SLC24A3: variants seen among roughly 807,000 people sequenced by gnomAD.
SLC24A3 encodes the protein solute carrier family 24 member 3.
In SLC24A3, 28 loss-of-function variants were observed where a neutral mutation model predicts 75.8. That is an observed-to-expected ratio of 0.37 (90% CI 0.27 to 0.51). The LOEUF is 0.51. Among genes scored for constraint, SLC24A3 ranks in the 20% least tolerant of loss-of-function variants. The pLI is 0.94. For synonymous variants in SLC24A3, 372 were observed against 334.1 expected (o/e 1.11, Z -1.24); for missense variants, 663 against 847.8 (o/e 0.78, Z 2.71).
chr20:19,246,899 GAAAGTAAATATAATTAT>G (rs758745414), intron 1 of SLC24A3, among the ~76,000 whole-genome samples: 159 of 152,110 alleles, frequency 1.0e-3, no homozygotes, highest in Admixed American at 1.8e-3. Context: ...ATCAAAACCT[GAAAGTAAATATAATTAT>G]CAATTAAGAA....
In SLC24A3 at chr20:19,685,082, G is replaced by A. The variant is rs773028152; in HGVS notation, c.1063-18G>A. The A allele has an allele frequency of 1.9e-6, 3 of 1,589,824 alleles. No homozygotes were observed. In the Admixed American group the frequency reaches 5.1e-5, roughly 27 times the overall value. On this transcript the variant is annotated intron_variant, in intron 11 of 16. Coordinates refer to ENST00000328041, the MANE Select transcript of SLC24A3 (RefSeq NM_020689.4). Reference sequence around the variant, plus strand: ...CAATCCCTCTGACCGTGGTAAGAGTGCGCCTTTCTCTTTCCAGAGACAAAG... The same window carrying A: ...CAATCCCTCTGACCGTGGTAAGAGTACGCCTTTCTCTTTCCAGAGACAAAG...
intron 1 of SLC24A3, among the ~76,000 whole-genome samples, chr20:19,274,411 T>A (rs1983421779): frequency 6.6e-6 from 1 of 152,174 alleles, no homozygotes; most frequent in Non-Finnish European, 1.5e-5. Flanking sequence ...TTGAGGGGAA[T>A]GAATGTATGG....
chr20:19,363,924 T>G (rs6035309), intron 2 of SLC24A3, among the ~76,000 whole-genome samples: 2 of 152,104 alleles, frequency 1.3e-5, no homozygotes, highest in African/African-American at 2.4e-5. Context: ...TGAGTGTCTG[T>G]GGGGAGACAG....
intron 9 of SLC24A3, among the ~76,000 whole-genome samples, chr20:19,674,964 C>T (rs2032507073): frequency 6.6e-6 from 1 of 152,124 alleles, no homozygotes; most frequent in Non-Finnish European, 1.5e-5. Flanking sequence ...GCAGGAGAAT[C>T]GCTGGAACCC....
intron 3 of SLC24A3, among the ~76,000 whole-genome samples, chr20:19,519,097 G>A (rs747057822): frequency 5.3e-5 from 8 of 152,130 alleles, no homozygotes; most frequent in Non-Finnish European, 1.0e-4. Context: ...TCATGGATCT[G>A]GACCAGAGGG....
At chr20:19,220,654 ATGT>A (rs1981683122) in intron 1 of SLC24A3, among the ~76,000 whole-genome samples, 1 of 152,212 alleles carries the variant, frequency 6.6e-6, no homozygotes, top group Non-Finnish European at 1.5e-5. Context: ...GCAGATAAAG[ATGT>A]TGGAATGGTA....
Position 19,326,603 on chromosome 20 carries a change from TGTCTCCCTTG to T in SLC24A3, c.271+45524_271+45533del, listed in dbSNP as rs1438933928. Among the ~76,000 whole-genome samples the T allele has an allele frequency of 1.0e-4, 15 of 150,320 alleles. No homozygotes were observed. The South Asian group carries it at 1.1e-3, about 11-fold the overall frequency. On this transcript the variant is annotated intron_variant, in intron 2 of 16. Transcript: ENST00000328041. ...TTTTTTTTTTTTTTTCTTGAGATAG[TGTCTCCCTTG>T]GTCTCCCAGGCTGGTGTGTAGTGAT...
intron 6 of SLC24A3, among the ~76,000 whole-genome samples, chr20:19,622,390 G>A (rs1002567966): frequency 2.6e-5 from 4 of 152,202 alleles, no homozygotes; most frequent in Non-Finnish European, 5.9e-5. Context: ...GTATCCTTTA[G>A]TGAGCTGGTA....
intron 2 of SLC24A3, among the ~76,000 whole-genome samples, chr20:19,302,865 G>A (rs543161256): frequency 2.2e-4 from 34 of 152,152 alleles, no homozygotes; most frequent in African/African-American, 7.0e-4. Context: ...GTTGTTTTCA[G>A]TTCCCTGTTG....
intron 2 of SLC24A3, among the ~76,000 whole-genome samples, chr20:19,499,722 A>G (rs1988355384): frequency 6.6e-6 from 1 of 152,206 alleles, no homozygotes; most frequent in South Asian, 2.1e-4. Context: ...TCAGTCCATT[A>G]CACACATACA....
chr20:19,679,311 G>C (rs1453713205), intron 9 of SLC24A3, among the ~76,000 whole-genome samples: 1 of 152,228 alleles, frequency 6.6e-6, no homozygotes, highest in African/African-American at 2.4e-5. Context: ...GACCAGCCCG[G>C]CCAACACAGC....
intron 2 of SLC24A3, among the ~76,000 whole-genome samples, chr20:19,410,073 G>A (rs748026248): frequency 1.3e-5 from 2 of 151,886 alleles, no homozygotes; most frequent in African/African-American, 4.8e-5. Context: ...GAAATTCATC[G>A]CACAGTTATT....
intron 2 of SLC24A3, among the ~76,000 whole-genome samples, chr20:19,418,889 G>A (rs912236198): frequency 6.6e-6 from 1 of 152,086 alleles, no homozygotes; most frequent in Non-Finnish European, 1.5e-5. Context: ...ACTGGCCAGA[G>A]GTGTAATGAT....
At chr20:19,540,599 G>A (rs904097633) in intron 3 of SLC24A3, among the ~76,000 whole-genome samples, 4 of 152,206 alleles carry the variant, frequency 2.6e-5, no homozygotes, top group Admixed American at 2.0e-4. Context: ...CCAGCGCCAC[G>A]GTGAGGAGTA....
intron 3 of SLC24A3, among the ~76,000 whole-genome samples, chr20:19,551,146 G>C (rs113009941): frequency 2.6e-5 from 4 of 152,206 alleles, no homozygotes; most frequent in Non-Finnish European, 4.4e-5. Context: ...CATCAAGCCC[G>C]TTCCATCTTT....
intron 2 of SLC24A3, among the ~76,000 whole-genome samples, chr20:19,306,094 A>G (rs1449178562): frequency 6.6e-6 from 1 of 152,236 alleles, no homozygotes; most frequent in Non-Finnish European, 1.5e-5. Flanking sequence ...AAAAGAAGAC[A>G]TACGTGTGGC....
At chr20:19,579,326 C>A (rs939737914) in intron 3 of SLC24A3, among the ~76,000 whole-genome samples, 1 of 152,164 alleles carries the variant, frequency 6.6e-6, no homozygotes, top group Non-Finnish European at 1.5e-5. Flanking sequence ...CCAGGGAATA[C>A]CCTGGTCATA....
intron 2 of SLC24A3, among the ~76,000 whole-genome samples, chr20:19,380,566 T>A (rs1481152757): frequency 6.6e-6 from 1 of 152,188 alleles, no homozygotes; most frequent in Non-Finnish European, 1.5e-5. Context: ...TCTGCTGATT[T>A]GTTTTCCTTC....
chr20:19,602,993 G>A (rs1012825756), intron 6 of SLC24A3, among the ~76,000 whole-genome samples: 1 of 152,220 alleles, frequency 6.6e-6, no homozygotes, highest in African/African-American at 2.4e-5. Flanking sequence ...TGTTCACGGT[G>A]CATGTGGAGT....
Sources: allele counts gnomAD v4.1 joint callset (sites outside exome capture counted in the v4.1 genomes callset), GRCh38; gene constraint gnomAD v4.1.1; transcripts MANE v1.5; gene names NCBI Gene and HGNC (gene_info 2026-07-23, HGNC 2026-07-21).